ZNF385B: variants seen among roughly 807,000 people sequenced by gnomAD.
ZNF385B encodes zinc finger protein 533.
ZNF385B carries 23 observed loss-of-function variants against 39.2 expected under a neutral mutation model. The ratio of observed to expected loss-of-function variants is 0.59; its 90% confidence interval spans 0.42 to 0.83. ZNF385B has a LOEUF of 0.83. Among genes scored for constraint, ZNF385B ranks in the 40% least tolerant of loss-of-function variants. The pLI is 0.00. For missense variants in ZNF385B, 552 were observed against 598.9 expected, an observed-to-expected ratio of 0.92 and a Z score of 0.82; for synonymous variants, 205 against 222.6, an observed-to-expected ratio of 0.92 and a Z score of 0.70.
chr2:179,701,487 C>A (rs1398957975), intron 3 of ZNF385B, among the ~76,000 whole-genome samples: 1 of 152,124 alleles, frequency 6.6e-6, no homozygotes, highest in Non-Finnish European at 1.5e-5. Context: ...ATTTAATATA[C>A]AGTGTAAAGA....
intron 1 of ZNF385B, among the ~76,000 whole-genome samples, chr2:179,845,060 G>T (rs1014543395): frequency 6.6e-6 from 1 of 152,000 alleles, no homozygotes; most frequent in South Asian, 2.1e-4. Context: ...CAAGACTGAT[G>T]CTCCAATACA....
intron 9 of ZNF385B, among the ~76,000 whole-genome samples, chr2:179,443,745 G>C (rs1372238185): frequency 2.0e-5 from 3 of 151,890 alleles, no homozygotes; most frequent in African/African-American, 7.3e-5. Context: ...TGCTCACCAG[G>C]AAAAAAAACA....
rs534581799 is a variant in ZNF385B, at chr2:179,571,948, C to G, written c.299-26979G>C. Among the ~76,000 whole-genome samples, 63 of 152,222 alleles carry G rather than the reference C, an allele frequency of 4.1e-4. No homozygotes were observed. In the South Asian group the frequency reaches 8.3e-3, roughly 20 times the overall value. ...TGTAAGTTGATGCCCTAATGGCCCT[C>G]GGACTACTTCCAAGTCCTGTGTAGG... On this transcript the variant is annotated intron_variant, in intron 3 of 9. Coordinates refer to ENST00000410066, the MANE Select transcript of ZNF385B (RefSeq NM_152520.6).
At chr2:179,585,181 AAGAC>A (rs1348203566) in intron 3 of ZNF385B, among the ~76,000 whole-genome samples, 1 of 152,206 alleles carries the variant, frequency 6.6e-6, no homozygotes, top group African/African-American at 2.4e-5. Flanking sequence ...GAATGATGTA[AAGAC>A]AGTGCTTATG....
intron 3 of ZNF385B, among the ~76,000 whole-genome samples, chr2:179,682,892 A>G (rs898184672): frequency 5.9e-5 from 9 of 152,186 alleles, no homozygotes; most frequent in Non-Finnish European, 1.5e-5. Context: ...GTCAGGAAGC[A>G]CAGTCATCCC....
chr2:179,587,292 T>G (rs1477820706), intron 3 of ZNF385B, among the ~76,000 whole-genome samples: 1 of 152,236 alleles, frequency 6.6e-6, no homozygotes, highest in African/African-American at 2.4e-5. Flanking sequence ...TAGGTTAAAT[T>G]GTTTTAATTT....
Position 179,763,024 on chromosome 2 carries a change from C to A in ZNF385B, c.298+6479G>T, listed in dbSNP as rs1016220828. On this transcript the variant is annotated intron_variant, in intron 3 of 9. Coordinates refer to ENST00000410066, the MANE Select transcript of ZNF385B (RefSeq NM_152520.6). ...GGTTCCAGCGATTCTCCTGTCTCAA[C>A]CTCCAGAATAGCTGGGAATCCAGGC... Among the ~76,000 whole-genome samples, 6 of 152,190 alleles carry A rather than the reference C, an allele frequency of 3.9e-5. No individual in the cohort carries two copies. In the South Asian group the frequency reaches 1.2e-3, roughly 32 times the overall value.
At chr2:179,660,544 C>A (rs1438284483) in intron 3 of ZNF385B, among the ~76,000 whole-genome samples, 1 of 152,064 alleles carries the variant, frequency 6.6e-6, no homozygotes, top group Non-Finnish European at 1.5e-5. Context: ...AGTTCTTTTA[C>A]TTTGATAAAC....
At chr2:179,649,578 G>T (rs1156828266) in intron 3 of ZNF385B, among the ~76,000 whole-genome samples, 1 of 152,006 alleles carries the variant, frequency 6.6e-6, no homozygotes, top group Admixed American at 6.6e-5. Flanking sequence ...CTATGAAAAA[G>T]GCTACAAGAT....
chr2:179,514,936 G>T (rs754612571), intron 5 of ZNF385B, among the ~76,000 whole-genome samples: 1 of 151,932 alleles, frequency 6.6e-6, no homozygotes, highest in Non-Finnish European at 1.5e-5. Context: ...GCACAATCAC[G>T]CCTGGCTAAT....
intron 3 of ZNF385B, among the ~76,000 whole-genome samples, chr2:179,754,737 C>T (rs1481135978): frequency 6.6e-6 from 1 of 152,126 alleles, no homozygotes; most frequent in African/African-American, 2.4e-5. Context: ...TTATAGTATT[C>T]TCTGATGGTA....
At chr2:179,855,540 C>T (rs1559255024) in intron 1 of ZNF385B, among the ~76,000 whole-genome samples, 3 of 152,078 alleles carry the variant, frequency 2.0e-5, no homozygotes, top group Non-Finnish European at 2.9e-5. Flanking sequence ...GATGTGGCAC[C>T]AAATAGATCA....
chr2:179,786,827 C>CT (rs1260123189), intron 1 of ZNF385B, among the ~76,000 whole-genome samples: 1 of 151,430 alleles, frequency 6.6e-6, no homozygotes, highest in Non-Finnish European at 1.5e-5. Flanking sequence ...CCTAGGTGTA[C>CT]TTTTAATATA....
intron 4 of ZNF385B, among the ~76,000 whole-genome samples, chr2:179,530,818 G>C (rs559007891): frequency 6.6e-6 from 1 of 152,300 alleles, no homozygotes; most frequent in African/African-American, 2.4e-5. Flanking sequence ...TTGAGCACTA[G>C]TAAAGCTCTA....
chr2:179,629,355 G>A (rs1198733872), intron 3 of ZNF385B, among the ~76,000 whole-genome samples: 3 of 152,170 alleles, frequency 2.0e-5, no homozygotes. Flanking sequence ...TCATGGTAAA[G>A]TATACAATAT....
chr2:179,850,576 G>C (rs1214016824), intron 1 of ZNF385B, among the ~76,000 whole-genome samples: 2 of 152,184 alleles, frequency 1.3e-5, no homozygotes, highest in East Asian at 3.8e-4. Flanking sequence ...TCTGTTCAAA[G>C]CCTTCTTATT....
intron 5 of ZNF385B, among the ~76,000 whole-genome samples, chr2:179,498,735 A>T (rs2056479452): frequency 6.6e-6 from 1 of 151,962 alleles, no homozygotes; most frequent in Non-Finnish European, 1.5e-5. Flanking sequence ...AAAAGAGAAA[A>T]ACTTCAAATA....
intron 6 of ZNF385B, among the ~76,000 whole-genome samples, chr2:179,457,686 C>A (rs1364092012): frequency 6.6e-6 from 1 of 151,868 alleles, no homozygotes; most frequent in Non-Finnish European, 1.5e-5. Context: ...ATTTTGTGAG[C>A]GTTTGTTCAT....
At chr2:179,484,859 T>C (rs1000569540) in intron 5 of ZNF385B, among the ~76,000 whole-genome samples, 1 of 152,136 alleles carries the variant, frequency 6.6e-6, no homozygotes, top group Admixed American at 6.5e-5. Flanking sequence ...TATACACTAG[T>C]AGCAAAGAGT....
Sources: allele counts gnomAD v4.1 joint callset (sites outside exome capture counted in the v4.1 genomes callset), GRCh38; gene constraint gnomAD v4.1.1; transcripts MANE v1.5; gene names NCBI Gene and HGNC (gene_info 2026-07-23, HGNC 2026-07-21).